STPG2: variants seen among roughly 807,000 people sequenced by gnomAD.
The protein encoded by STPG2 is sperm-tail PG-rich repeat-containing protein 2.
STPG2 carries 56 observed loss-of-function variants against 54.2 expected under a neutral mutation model. The ratio of observed to expected loss-of-function variants is 1.03; its 90% CI spans 0.83 to 1.29. STPG2 has a LOEUF of 1.29. Among genes scored for constraint, STPG2 ranks in the 50% most tolerant of loss-of-function variants. The pLI is 0.00. For synonymous variants in STPG2, 200 were observed against 181.8 expected (o/e 1.10, Z -0.81); for missense variants, 596 against 544.9 (o/e 1.09, Z -0.93).
chr4:97,739,855 T>G (rs1725161345), intron 9 of STPG2, among the ~76,000 whole-genome samples: 1 of 152,030 alleles, frequency 6.6e-6, no homozygotes, highest in Non-Finnish European at 1.5e-5. Context: ...CCTCCCTAAC[T>G]CATTTTATGA....
chr4:97,528,410 G>GTA (rs1731337807), intron 4 of STPG2, among the ~76,000 whole-genome samples: 1 of 152,146 alleles, frequency 6.6e-6, no homozygotes, highest in Admixed American at 6.5e-5. Context: ...TAGCTTTGGA[G>GTA]TATAGTTTGA....
chr4:97,598,385 T>G (rs1449734632), intron 10 of STPG2, among the ~76,000 whole-genome samples: 3 of 151,454 alleles, frequency 2.0e-5, no homozygotes, highest in Non-Finnish European at 4.4e-5. Flanking sequence ...AAAAAAACAT[T>G]TTAAAATTCA....
intron 9 of STPG2, among the ~76,000 whole-genome samples, chr4:97,749,906 T>A (rs1027250449): frequency 6.6e-6 from 1 of 151,760 alleles, no homozygotes; most frequent in Non-Finnish European, 1.5e-5. Context: ...CTGAGAATCT[T>A]GTGAGGCCTT....
At chr4:97,474,840 G>T (rs1270648074) in intron 4 of STPG2, among the ~76,000 whole-genome samples, 2 of 151,984 alleles carry the variant, frequency 1.3e-5, no homozygotes, top group African/African-American at 4.8e-5. Flanking sequence ...TTTTGTGTGG[G>T]TTGACCCATA....
At chr4:97,964,360 T>C (rs1281625771) in intron 7 of STPG2, among the ~76,000 whole-genome samples, 5 of 152,154 alleles carry the variant, frequency 3.3e-5, no homozygotes. Flanking sequence ...CATTGTATCT[T>C]TGAAGGCAAT....
chr4:97,861,462 C>T (rs975920510), intron 8 of STPG2, among the ~76,000 whole-genome samples: 1 of 152,048 alleles, frequency 6.6e-6, no homozygotes, highest in African/African-American at 2.4e-5. Flanking sequence ...AAAAATAGAG[C>T]TACCACATGA....
intron 9 of STPG2, among the ~76,000 whole-genome samples, chr4:97,765,815 A>G (rs1169628048): frequency 6.6e-6 from 1 of 152,170 alleles, no homozygotes; most frequent in Non-Finnish European, 1.5e-5. Context: ...GGGATGTTCT[A>G]TTTGTCAAAT....
At chr4:98,125,134 G>C (rs1334226628) in intron 3 of STPG2, among the ~76,000 whole-genome samples, 1 of 152,142 alleles carries the variant, frequency 6.6e-6, no homozygotes, top group Non-Finnish European at 1.5e-5. Context: ...CTTTCGTTCA[G>C]TGAAGTTCAT....
intron 10 of STPG2, among the ~76,000 whole-genome samples, chr4:97,588,334 G>A (rs1733051608): frequency 6.6e-6 from 1 of 151,926 alleles, no homozygotes; most frequent in South Asian, 2.1e-4. Context: ...TCCAAGGAAA[G>A]CTTATTTATA....
chr4:97,979,057 AAC>A (rs535476267), intron 6 of STPG2, among the ~76,000 whole-genome samples: 21 of 152,350 alleles, frequency 1.4e-4, no homozygotes, highest in African/African-American at 4.1e-4. Flanking sequence ...GGTGATTTAA[AAC>A]AGTTTTTCTA....
At chr4:97,896,667 G>T (rs1432845123) in intron 8 of STPG2, among the ~76,000 whole-genome samples, 1 of 151,580 alleles carries the variant, frequency 6.6e-6, no homozygotes, top group African/African-American at 2.4e-5. Flanking sequence ...TGAATTATGG[G>T]ACATCTTTAT....
chr4:97,685,273 T>C (rs1723155162), intron 10 of STPG2, among the ~76,000 whole-genome samples: 1 of 152,132 alleles, frequency 6.6e-6, no homozygotes, highest in Admixed American at 6.5e-5. Context: ...TGAATGTTTA[T>C]AAGAACTTTA....
chr4:97,764,112 G>GCACACACACACACACA (rs3974908), intron 9 of STPG2, among the ~76,000 whole-genome samples: 4 of 141,178 alleles, frequency 2.8e-5, no homozygotes, highest in African/African-American at 1.0e-4. Context: ...AACACCACAT[G>GCACACACACACACACA]CACACACACA....
chr4:97,622,474 C>T (rs1194837242), intron 10 of STPG2, among the ~76,000 whole-genome samples: 2 of 152,012 alleles, frequency 1.3e-5, no homozygotes, highest in Non-Finnish European at 2.9e-5. Flanking sequence ...CTATACACAA[C>T]ATATAAGCTG....
chr4:97,755,852 G>A (rs981028070), intron 9 of STPG2, among the ~76,000 whole-genome samples: 1 of 152,110 alleles, frequency 6.6e-6, no homozygotes, highest in African/African-American at 2.4e-5. Context: ...ATTTTAAAAA[G>A]TCCTTGGATA....
chr4:97,724,557 C>T (rs907117082), intron 9 of STPG2, among the ~76,000 whole-genome samples: 1 of 152,088 alleles, frequency 6.6e-6, no homozygotes, highest in African/African-American at 2.4e-5. Flanking sequence ...CTGTGTAAGT[C>T]ATTCTCTATC....
chr4:97,999,901 T>C (rs1363351919), intron 5 of STPG2, among the ~76,000 whole-genome samples: 2 of 152,182 alleles, frequency 1.3e-5, no homozygotes, highest in Admixed American at 6.6e-5. Flanking sequence ...TGTATATACA[T>C]GGCATCTGAG....
At chr4:97,741,776 C>G (rs1417538151) in intron 9 of STPG2, among the ~76,000 whole-genome samples, 6 of 151,972 alleles carry the variant, frequency 3.9e-5, no homozygotes, top group East Asian at 1.9e-4. Flanking sequence ...GGACTGTAAA[C>G]TAGTTCAACC....
intron 10 of STPG2, among the ~76,000 whole-genome samples, chr4:97,629,777 GA>G (rs1175216305): frequency 6.6e-6 from 1 of 151,968 alleles, no homozygotes; most frequent in Non-Finnish European, 1.5e-5. Context: ...TAGGGTAATA[GA>G]AGGAATGAAA....
Sources: allele counts gnomAD v4.1 joint callset (sites outside exome capture counted in the v4.1 genomes callset), GRCh38; gene constraint gnomAD v4.1.1; transcripts MANE v1.5; gene names NCBI Gene and HGNC (gene_info 2026-07-23, HGNC 2026-07-21).